ZZZ3: variants seen among roughly 807,000 people sequenced by gnomAD.
ZZZ3 encodes zinc finger ZZ-type containing 3.
A neutral mutation model predicts 95.2 loss-of-function variants in ZZZ3; 22 were observed. That is an observed-to-expected ratio of 0.23 (90% confidence interval 0.17 to 0.33). ZZZ3 has a LOEUF of 0.33. Ranked by LOEUF, ZZZ3 falls within the 10% of genes least tolerant of loss-of-function variation. The pLI is 1.00. For missense variants in ZZZ3, 885 were observed against 1,066.5 expected (o/e 0.83, Z 2.37); for synonymous variants, 335 against 358.9 (o/e 0.93, Z 0.75).
At position 77,568,441 on chromosome 1, in the gene ZZZ3, T is replaced by C; in HGVS notation, c.2357A>G (p.Tyr786Cys). Residue 786 changes from tyrosine to cysteine, a missense_variant, in exon 13 of 15, where the codon TAT (tyrosine) becomes TGT (cysteine). By Grantham distance (194) the Tyr-to-Cys change is radical (BLOSUM62 -2). Transcript: ENST00000370801. Reference protein sequence around the residue: ...ASDDESIPIMYRNLPEYKELL... With the variant: ...ASDDESIPIMCRNLPEYKELL... ...TTCTTTATATTCAGGTAAATTCCTA[T>C]ACATGATAGGAATACTTTCGTCATC... The C allele has an allele frequency of 2.3e-6, 3 of 1,290,540 alleles. No individual in the cohort carries two copies. Among genetic ancestry groups the C allele is most frequent in the Non-Finnish European group, 3.2e-6 (3 of 943,200 alleles). The allele number at this position is 1,290,540 out of a possible 1,614,324, so 79.9% of individuals were successfully genotyped here. A position where few individuals can be genotyped will look rare whatever the true frequency, so the allele number is the denominator to read the frequency against.
intron 1 of ZZZ3, among the ~76,000 whole-genome samples, chr1:77,670,722 A>T (rs1385916848): frequency 6.6e-6 from 1 of 151,962 alleles, no homozygotes; most frequent in African/African-American, 2.4e-5. Context: ...CTGGAGTAGT[A>T]GTAGTGTTTG....
chr1:77,664,931 C>T (rs1259959192), intron 1 of ZZZ3, among the ~76,000 whole-genome samples: 2 of 152,162 alleles, frequency 1.3e-5, no homozygotes, highest in Non-Finnish European at 2.9e-5. Context: ...CTACTGGTTT[C>T]CTTTTTAAAA....
At chr1:77,609,559 A>G (rs1177484882) in intron 5 of ZZZ3, among the ~76,000 whole-genome samples, 2 of 152,180 alleles carry the variant, frequency 1.3e-5, no homozygotes, top group Non-Finnish European at 2.9e-5. Flanking sequence ...CAGATACAGA[A>G]CATTTCATCC....
At chr1:77,652,740 A>G (rs1311936684) in intron 1 of ZZZ3, among the ~76,000 whole-genome samples, 3 of 152,232 alleles carry the variant, frequency 2.0e-5, no homozygotes, top group Non-Finnish European at 2.9e-5. Flanking sequence ...AAGGAATATC[A>G]TATCAACACA....
intron 1 of ZZZ3, among the ~76,000 whole-genome samples, chr1:77,648,500 T>A (rs962246850): frequency 2.6e-5 from 4 of 151,794 alleles, no homozygotes; most frequent in Non-Finnish European, 5.9e-5. Flanking sequence ...TTCAAAGCAG[T>A]AGATGGATAT....
At chr1:77,656,750 G>A (rs989472239) in intron 1 of ZZZ3, among the ~76,000 whole-genome samples, 1 of 152,116 alleles carries the variant, frequency 6.6e-6, no homozygotes, top group Non-Finnish European at 1.5e-5. Context: ...TACAGGACAG[G>A]TAAAGCAGTT....
intron 3 of ZZZ3, among the ~76,000 whole-genome samples, chr1:77,640,487 C>A (rs1022056769): frequency 2.0e-5 from 3 of 151,602 alleles, no homozygotes; most frequent in African/African-American, 7.3e-5. Context: ...GTAATCCTAG[C>A]TACTCAGGAG....
At chr1:77,609,089 G>A (rs1433687940) in intron 5 of ZZZ3, among the ~76,000 whole-genome samples, 1 of 152,024 alleles carries the variant, frequency 6.6e-6, no homozygotes, top group East Asian at 1.9e-4. Flanking sequence ...GACACAGACT[G>A]GCTGAACGGA....
intron 5 of ZZZ3, among the ~76,000 whole-genome samples, chr1:77,630,427 T>C (rs953504833): frequency 6.6e-6 from 1 of 152,076 alleles, no homozygotes; most frequent in Non-Finnish European, 1.5e-5. Flanking sequence ...CAGTGAGCCA[T>C]GATTGCACCT....
At chr1:77,605,199 C>T (rs968981274) in intron 5 of ZZZ3, among the ~76,000 whole-genome samples, 3 of 152,066 alleles carry the variant, frequency 2.0e-5, no homozygotes, top group African/African-American at 7.2e-5. Flanking sequence ...CAGCAGTGAC[C>T]ACAAGGCACA....
intron 1 of ZZZ3, among the ~76,000 whole-genome samples, chr1:77,647,263 A>G (rs372088341): frequency 6.6e-6 from 1 of 152,112 alleles, no homozygotes; most frequent in South Asian, 2.1e-4. Context: ...TCACATCTAT[A>G]CTCCCAGCAC....
intron 3 of ZZZ3, among the ~76,000 whole-genome samples, chr1:77,640,449 A>C (rs900992905): frequency 1.3e-5 from 2 of 151,988 alleles, no homozygotes; most frequent in Admixed American, 1.3e-4. Context: ...AAATACAAAA[A>C]ATTAGCTGGG....
intron 4 of ZZZ3, among the ~76,000 whole-genome samples, chr1:77,634,015 CA>C (rs1335856407): frequency 1.3e-5 from 2 of 151,812 alleles, no homozygotes; most frequent in Non-Finnish European, 2.9e-5. Context: ...ACTAAAAATA[CA>C]AAAATTAGCC....
chr1:77,658,202 A>C (rs976630703), intron 1 of ZZZ3, among the ~76,000 whole-genome samples: 12 of 145,680 alleles, frequency 8.2e-5, no homozygotes, highest in Non-Finnish European at 1.2e-4. Context: ...AAAAAAAAAA[A>C]CACAACATAC....
chr1:77,568,510 A>C, intron 12 of ZZZ3, 44 bp from the exon 13 acceptor site: 1 of 1,043,458 alleles, frequency 9.6e-7, no homozygotes, highest in Non-Finnish European at 1.4e-6. Context: ...TTGGTAATTA[A>C]AATGAATTAA....
intron 13 of ZZZ3, among the ~76,000 whole-genome samples, chr1:77,566,734 C>T (rs979861272): frequency 1.3e-5 from 2 of 152,166 alleles, no homozygotes; most frequent in Admixed American, 1.3e-4. Context: ...AATCGCTCTC[C>T]CAAAGCCTAA....
chr1:77,656,100 ATATT>A (rs1457967786), intron 1 of ZZZ3, among the ~76,000 whole-genome samples: 1 of 152,212 alleles, frequency 6.6e-6, no homozygotes, highest in Non-Finnish European at 1.5e-5. Flanking sequence ...ATCCATCTAT[ATATT>A]TAATTTTTAC....
intron 12 of ZZZ3, among the ~76,000 whole-genome samples, chr1:77,569,771 C>T (rs1055422375): frequency 1.3e-5 from 2 of 152,190 alleles, no homozygotes; most frequent in Non-Finnish European, 2.9e-5. Flanking sequence ...CATATTCTCA[C>T]CCCAAATAAT....
At chr1:77,660,895 A>T (rs1433405358) in intron 1 of ZZZ3, among the ~76,000 whole-genome samples, 1 of 152,176 alleles carries the variant, frequency 6.6e-6, no homozygotes, top group Non-Finnish European at 1.5e-5. Flanking sequence ...AGTTGATCTA[A>T]AAAGAATCAC....
Sources: allele counts gnomAD v4.1 joint callset (sites outside exome capture counted in the v4.1 genomes callset), GRCh38; gene constraint gnomAD v4.1.1; transcripts MANE v1.5; gene names NCBI Gene and HGNC (gene_info 2026-07-23, HGNC 2026-07-21).